Variants in USP16 observed in about 807,000 individuals in gnomAD.
USP16 encodes the protein ubiquitin carboxyl-terminal hydrolase 16.
USP16 carries 77 observed loss-of-function variants against 95.9 expected under a neutral mutation model. The ratio of observed to expected loss-of-function variants is 0.80; its 90% CI spans 0.67 to 0.97. The LOEUF (loss-of-function observed/expected upper bound fraction) is 0.97. Among genes scored for constraint, USP16 ranks in the 50% least tolerant of loss-of-function variants. USP16 has a pLI of 0.00. For synonymous variants in USP16, 303 were observed against 318.2 expected, an observed-to-expected ratio of 0.95 and a Z score of 0.51; for missense variants, 943 against 959.9, an observed-to-expected ratio of 0.98 and a Z score of 0.23.
intron 15 of USP16, 126 bp downstream of exon 15, chr21:29,048,981 C>A: frequency 1.4e-6 from 1 of 726,444 alleles, no homozygotes; most frequent in Non-Finnish European, 2.2e-6. Context: ...ACTGTAATGT[C>A]AATGAAGTCA....
At chr21:29,035,412 C>T (rs540110471) in intron 4 of USP16, among the ~76,000 whole-genome samples, 38 of 149,082 alleles carry the variant, frequency 2.5e-4, no homozygotes, top group Admixed American at 1.4e-3. Context: ...ATCTTTCTGT[C>T]GCCCAGGCTG....
At chr21:29,035,523 A>G (rs1008831295) in intron 4 of USP16, among the ~76,000 whole-genome samples, 16 of 151,262 alleles carry the variant, frequency 1.1e-4, no homozygotes, top group African/African-American at 3.9e-4. Flanking sequence ...ACAGGGATGC[A>G]CCACCACGCC....
intron 12 of USP16, 107 bp from the exon 13 acceptor site, chr21:29,043,316 A>AT: frequency 1.2e-6 from 1 of 801,488 alleles, no homozygotes. Flanking sequence ...GGAAAAAAAA[A>AT]GCTAATACAT....
In USP16 at chr21:29,046,871, A is replaced by C; in HGVS notation, c.1561A>C (p.Met521Leu). 1 of 1,614,214 alleles carries C rather than the reference A, an allele frequency of 6.2e-7. No homozygotes were observed. The highest frequency in any genetic ancestry group is 8.5e-7 in the Non-Finnish European group (1 of 1,180,032). Residue 521 changes from methionine to leucine, a missense_variant, in exon 14 of 18, where the codon ATG (methionine) becomes CTG (leucine). Transcript: ENST00000399976. ...NQKDLNGQAK[M>L]IESVTDNQKS... is the part of the protein sequence containing the mutation. ...GAAAGATTTGAATGGCCAAGCAAAA[A>C]TGATCGAAAGTGTAACTGACAATCA...
chr21:29,044,032 A>G (rs1385424969), intron 13 of USP16, among the ~76,000 whole-genome samples: 1 of 151,870 alleles, frequency 6.6e-6, no homozygotes, highest in Non-Finnish European at 1.5e-5. Flanking sequence ...TCCTAGGTTC[A>G]AGCAATTCTC....
intron 15 of USP16, among the ~76,000 whole-genome samples, chr21:29,049,100 TCTTA>T (rs932288296): frequency 9.9e-5 from 15 of 152,044 alleles, no homozygotes; most frequent in African/African-American, 3.6e-4. Flanking sequence ...ACGATTGGCA[TCTTA>T]CTTTTATTTC....
At chr21:29,042,802 T>C (rs2085264822) in intron 12 of USP16, 1 of 285,232 alleles carries the variant, frequency 3.5e-6, no homozygotes, top group East Asian at 7.5e-5. Context: ...ATATTAAAAT[T>C]AATACTTATT....
At position 29,039,518 on chromosome 21, in the gene USP16, C is replaced by T. The variant is rs750734461; in HGVS notation, c.901C>T (p.Gln301Ter). The part of the protein sequence containing the change: ...RFKGYQQQDS[Q>*]ELLRYLLDGM... ...TAAAGGCTATCAGCAGCAAGACAGC[C>T]AGGAGCTGCTTCGCTACTTATTGGA... Residue 301 changes from glutamine (Q) to a stop codon, truncating the protein, a stop_gained, in exon 9 of 18, where the codon CAG (glutamine) becomes TAG (stop). Coordinates refer to ENST00000399976, the MANE Select transcript of USP16 (RefSeq NM_006447.3). LOFTEE classifies it high-confidence loss of function. The T allele has an allele frequency of 1.2e-5, 19 of 1,613,250 alleles. No homozygotes were observed. Among genetic ancestry groups the T allele is most frequent in the Non-Finnish European group, 1.5e-5 (18 of 1,179,486 alleles).
intron 1 of USP16, among the ~76,000 whole-genome samples, chr21:29,027,527 A>G (rs555474599): frequency 1.2e-4 from 19 of 152,370 alleles, no homozygotes; most frequent in African/African-American, 4.1e-4. Context: ...AAGTGCTGCC[A>G]TTATTTCACA....
chr21:29,047,644 G>A (rs951422677), intron 14 of USP16, among the ~76,000 whole-genome samples: 3 of 152,080 alleles, frequency 2.0e-5, no homozygotes, highest in East Asian at 1.9e-4. Context: ...CACCCAGGAC[G>A]CCACACTTGA....
chr21:29,032,340 T>G (rs1017348476), intron 3 of USP16, among the ~76,000 whole-genome samples: 3 of 152,070 alleles, frequency 2.0e-5, no homozygotes, highest in Non-Finnish European at 4.4e-5. Flanking sequence ...CAAGTGATCC[T>G]CCCACCTCAG....
At chr21:29,034,777 G>T in intron 3 of USP16, 60 bp from the exon 4 acceptor site, 1 of 1,459,482 alleles carries the variant, frequency 6.9e-7, no homozygotes. Context: ...GATAGATTAT[G>T]CATTCTCCCC....
intron 1 of USP16, among the ~76,000 whole-genome samples, chr21:29,027,626 C>A (rs775839252): frequency 1.3e-5 from 2 of 152,182 alleles, no homozygotes; most frequent in Admixed American, 6.5e-5. Flanking sequence ...CTCTCCTGAC[C>A]TTTACATATA....
chr21:29,046,589 C>A, intron 13 of USP16, 78 bp from the exon 14 acceptor site: 1 of 1,427,296 alleles, frequency 7.0e-7, no homozygotes, highest in Non-Finnish European at 9.4e-7. Flanking sequence ...TTTTGTCCTT[C>A]TTCCTCTATC....
intron 5 of USP16, among the ~76,000 whole-genome samples, chr21:29,037,072 G>A (rs962240266): frequency 5.3e-5 from 8 of 152,046 alleles, no homozygotes; most frequent in Non-Finnish European, 1.0e-4. Context: ...GCTTACTTTA[G>A]GTCTGAGTAT....
chr21:29,025,202 T>TA (rs754094854), intron 1 of USP16, among the ~76,000 whole-genome samples: 3 of 152,174 alleles, frequency 2.0e-5, no homozygotes, highest in Non-Finnish European at 4.4e-5. Context: ...AGGGGATTGA[T>TA]ATACGCAAAA....
At chr21:29,025,214 T>G (rs536810383) in intron 1 of USP16, among the ~76,000 whole-genome samples, 1 of 152,268 alleles carries the variant, frequency 6.6e-6, no homozygotes, top group South Asian at 2.1e-4. Context: ...TACGCAAAAC[T>G]TGAAAGCCAC....
intron 1 of USP16, among the ~76,000 whole-genome samples, chr21:29,026,930 G>C (rs1448883790): frequency 6.6e-6 from 1 of 152,144 alleles, no homozygotes; most frequent in East Asian, 1.9e-4. Context: ...AAAGGCCTAT[G>C]AGTGCAAAGT....
chr21:29,030,182 A>C (rs2085056763), intron 2 of USP16, among the ~76,000 whole-genome samples: 1 of 152,022 alleles, frequency 6.6e-6, no homozygotes, highest in Admixed American at 6.6e-5. Context: ...TGACTTGGTC[A>C]ATTTTGGGCT....
Sources: allele counts gnomAD v4.1 joint callset (sites outside exome capture counted in the v4.1 genomes callset), GRCh38; gene constraint gnomAD v4.1.1; transcripts MANE v1.5; gene names NCBI Gene and HGNC (gene_info 2026-07-23, HGNC 2026-07-21).